The following ANTXRL variants were observed in gnomAD, a reference collection of about 807,000 sequenced individuals.
ANTXRL encodes the protein ANTXR like.
ANTXRL carries 63 observed loss-of-function variants against 75.4 expected under a neutral mutation model. That is an observed-to-expected ratio of 0.84 (90% CI 0.68 to 1.03). The LOEUF is 1.03. Among genes scored for constraint, ANTXRL ranks in the 50% least tolerant of loss-of-function variants. The pLI, the probability that ANTXRL is intolerant of heterozygous loss-of-function variation, is 0.00. For missense variants in ANTXRL, 797 were observed against 789.4 expected (o/e 1.01, Z -0.12); for synonymous variants, 335 against 291.3 (o/e 1.15, Z -1.53).
At chr10:46,324,983 C>T (rs1192630440) in intron 16 of ANTXRL, among the ~76,000 whole-genome samples, 4 of 152,070 alleles carry the variant, frequency 2.6e-5, no homozygotes, top group African/African-American at 4.8e-5. Context: ...GAACTTGATT[C>T]GAAACCCTCA....
chr10:46,322,150 A>T (rs1839007220), intron 16 of ANTXRL, among the ~76,000 whole-genome samples: 1 of 152,088 alleles, frequency 6.6e-6, no homozygotes, highest in African/African-American at 2.4e-5. Flanking sequence ...ACCAGAAAAC[A>T]TACAAACTGC....
At chr10:46,294,879 CCA>C (rs1837274302) in intron 3 of ANTXRL, among the ~76,000 whole-genome samples, 1 of 151,808 alleles carries the variant, frequency 6.6e-6, no homozygotes, top group Admixed American at 6.6e-5. Context: ...GACTCTCTGC[CCA>C]CAGTGGGAAG....
At chr10:46,308,321 C>T (rs1588839953) in intron 12 of ANTXRL, 2 of 384,534 alleles carry the variant, frequency 5.2e-6, no homozygotes, top group South Asian at 2.0e-5. Context: ...GGGGCTCCCA[C>T]CTCGCCAGCG....
intron 16 of ANTXRL, among the ~76,000 whole-genome samples, chr10:46,325,831 G>A (rs1339553124): frequency 6.6e-6 from 1 of 151,956 alleles, no homozygotes; most frequent in East Asian, 1.9e-4. Context: ...GGTTTTTGAG[G>A]GTCTTTAATA....
chr10:46,297,178 G>T, intron 5 of ANTXRL, 74 bp from the exon 6 acceptor site: 2 of 1,265,878 alleles, frequency 1.6e-6, no homozygotes, highest in Non-Finnish European at 2.2e-6. Context: ...CCAGCCATCT[G>T]CAGGGGTTCC....
chr10:46,321,632 A>G (rs563507806), intron 16 of ANTXRL, among the ~76,000 whole-genome samples: 4 of 152,288 alleles, frequency 2.6e-5, no homozygotes, highest in African/African-American at 9.6e-5. Flanking sequence ...GAAAGGTTTG[A>G]TTATCCTCAG....
chr10:46,315,243 A>G (rs1838658454), intron 16 of ANTXRL, among the ~76,000 whole-genome samples: 1 of 152,220 alleles, frequency 6.6e-6, no homozygotes, highest in Non-Finnish European at 1.5e-5. Context: ...TCCTGCTCAG[A>G]GACACTGGGA....
chr10:46,317,517 C>T (rs1284474408), intron 16 of ANTXRL, among the ~76,000 whole-genome samples: 9 of 152,294 alleles, frequency 5.9e-5, no homozygotes, highest in African/African-American at 2.2e-4. Flanking sequence ...GGCCATATGC[C>T]CGTGGAGGGC....
intron 16 of ANTXRL, among the ~76,000 whole-genome samples, chr10:46,316,047 C>G (rs1235789451): frequency 6.6e-6 from 1 of 152,132 alleles, no homozygotes; most frequent in Non-Finnish European, 1.5e-5. Context: ...CCCATCCATG[C>G]TGAGGATTCT....
chr10:46,286,434 C>G (rs1836769891), upstream of ANTXRL: 1 of 152,212 alleles, frequency 6.6e-6, no homozygotes, highest in African/African-American at 2.4e-5. Context: ...GCCCTCCTGC[C>G]TAGGAGCCAC....
chr10:46,292,254 C>T, intron 2 of ANTXRL, 125 bp downstream of exon 2: 3 of 879,240 alleles, frequency 3.4e-6, no homozygotes, highest in Non-Finnish European at 5.3e-6. Flanking sequence ...ACACAGAGCA[C>T]AAGGTGGCAT....
intron 2 of ANTXRL, among the ~76,000 whole-genome samples, chr10:46,293,290 G>A (rs577205590): frequency 7.7e-4 from 37 of 47,752 alleles, no homozygotes; most frequent in African/African-American, 1.8e-3. Flanking sequence ...GAGTGTGTGC[G>A]TGTGTGCCTG....
chr10:46,294,714 G>A (rs1184832539), intron 3 of ANTXRL, among the ~76,000 whole-genome samples: 1 of 152,162 alleles, frequency 6.6e-6, no homozygotes, highest in Admixed American at 6.5e-5. Context: ...GCAAGTCTAT[G>A]GGGGAGGACT....
intron 1 of ANTXRL, among the ~76,000 whole-genome samples, chr10:46,290,186 G>A (rs1332427626): frequency 6.6e-6 from 1 of 151,654 alleles, no homozygotes; most frequent in Non-Finnish European, 1.5e-5. Context: ...GGGACTACAG[G>A]GGCATGCCAC....
intron 16 of ANTXRL, among the ~76,000 whole-genome samples, chr10:46,313,702 G>A (rs1838564350): frequency 6.6e-6 from 1 of 152,124 alleles, no homozygotes; most frequent in South Asian, 2.1e-4. Context: ...TTATTAATGA[G>A]GCCTCAGTAA....
chr10:46,302,588 T>C (rs1837820009), intron 9 of ANTXRL, 134 bp from the exon 10 acceptor site: 3 of 653,078 alleles, frequency 4.6e-6, no homozygotes, highest in Non-Finnish European at 8.0e-6. Context: ...TAGATGTTGG[T>C]TCAGACACAG....
chr10:46,307,489 C>T lies in ANTXRL; in HGVS notation c.1044+9C>T. 6.5e-7 allele frequency: 1 copy of T among 1,534,826 alleles called. No homozygotes were observed. Among genetic ancestry groups the T allele is most frequent in the East Asian group, 2.4e-5 (1 of 40,908 alleles). On this transcript the variant is annotated intron_variant, in intron 12 of 16. Transcript: ENST00000620264. ...TCACCAGCACCACATGTGTGAGTAC[C>T]AGCATGGGGCTGCAAACATGTATGA...
chr10:46,293,303 T>A (rs115672802), intron 2 of ANTXRL, among the ~76,000 whole-genome samples: 47 of 74,304 alleles, frequency 6.3e-4, no homozygotes, highest in South Asian at 1.3e-3. Context: ...TGTGCCTGTG[T>A]GTGTGTGCGT....
chr10:46,291,243 C>T (rs1278661276), intron 1 of ANTXRL, among the ~76,000 whole-genome samples: 1 of 152,158 alleles, frequency 6.6e-6, no homozygotes, highest in Non-Finnish European at 1.5e-5. Flanking sequence ...TGACCACAGA[C>T]ATGACAGGTT....
Sources: gnomAD v4.1 joint callset for allele counts (sites outside exome capture counted in the v4.1 genomes callset) on GRCh38, gnomAD v4.1.1 for gene constraint, MANE v1.5 for transcripts, NCBI Gene and HGNC (gene_info 2026-07-23, HGNC 2026-07-21) for gene names.